TBC1D1: variants seen among roughly 807,000 people sequenced by gnomAD.
TBC1D1 encodes TBC1 (tre-2/USP6, BUB2, cdc16) domain family, member 1.
A neutral mutation model predicts 125.6 loss-of-function variants in TBC1D1; 89 were observed. The observed-to-expected ratio is 0.71, with a 90% confidence interval of 0.60 to 0.85. The LOEUF (loss-of-function observed/expected upper bound fraction) is 0.85, where lower values mean the gene tolerates loss of function less well. Among genes scored for constraint, TBC1D1 ranks in the 40% least tolerant of loss-of-function variants. The pLI, the probability that TBC1D1 is intolerant of heterozygous loss-of-function variation, is 0.00. For missense variants in TBC1D1, 1,377 were observed against 1,469.2 expected (o/e 0.94, Z 1.03); for synonymous variants, 565 against 564.1 (o/e 1.00, Z -0.02).
intron 2 of TBC1D1, among the ~76,000 whole-genome samples, chr4:37,935,773 C>G (rs929729886): frequency 1.3e-5 from 2 of 152,158 alleles, no homozygotes; most frequent in Non-Finnish European, 2.9e-5. Context: ...GTCTCCGTTT[C>G]CCCTCCAGTC....
intron 13 of TBC1D1, among the ~76,000 whole-genome samples, chr4:38,091,065 G>A (rs553451999): frequency 5.2e-4 from 79 of 152,178 alleles, no homozygotes; most frequent in Non-Finnish European, 8.4e-4. Flanking sequence ...GTGGATAGAC[G>A]TTCTCTGTGC....
chr4:38,069,199 A>G (rs1234504539), intron 12 of TBC1D1, among the ~76,000 whole-genome samples: 2 of 152,194 alleles, frequency 1.3e-5, no homozygotes, highest in Non-Finnish European at 2.9e-5. Context: ...ATGGACTGGA[A>G]TCTTGATTGT....
chr4:38,083,325 A>C (rs561386205), intron 12 of TBC1D1, among the ~76,000 whole-genome samples: 2 of 152,230 alleles, frequency 1.3e-5, no homozygotes, highest in East Asian at 3.8e-4. Context: ...CTTGTCTTCT[A>C]TATTCAGGCG....
intron 10 of TBC1D1, among the ~76,000 whole-genome samples, chr4:38,048,643 G>A (rs766249978): frequency 6.7e-6 from 1 of 148,246 alleles, no homozygotes; most frequent in Admixed American, 6.8e-5. Context: ...TCCACTGTTA[G>A]ATGCATTCAT....
chr4:37,997,393 G>A (rs543868430), intron 2 of TBC1D1, among the ~76,000 whole-genome samples: 1 of 152,266 alleles, frequency 6.6e-6, no homozygotes, highest in Non-Finnish European at 1.5e-5. Context: ...GTGTTATGTC[G>A]TGAAGCATTT....
chr4:38,115,804 C>G lies in TBC1D1; in HGVS notation c.2652C>G (p.Asp884Glu). 6.2e-7 allele frequency: 1 copy of G among 1,614,156 alleles called. No homozygotes were observed. The highest frequency in any genetic ancestry group is 8.5e-7 in the Non-Finnish European group (1 of 1,180,022). The change falls in exon 16 of 20, where the codon GAC (aspartate) becomes GAG (glutamate). Residue 884 changes from aspartate (D) to glutamate (E), a missense_variant. This residue lies in a region of TBC1D1 where 543 missense variants were observed against 613.5 expected (regional missense o/e 0.89). Transcript: ENST00000261439. ...TTTTGAAGGCCTACTCACTTCTAGA[C>G]CAGGAAGTGGGATATTGCCAAGGTC...
chr4:38,076,046 G>A (rs753196649), intron 12 of TBC1D1, among the ~76,000 whole-genome samples: 1 of 152,146 alleles, frequency 6.6e-6, no homozygotes, highest in Non-Finnish European at 1.5e-5. Flanking sequence ...GATAAGTCCT[G>A]TATTAGTCCG....
intron 2 of TBC1D1, among the ~76,000 whole-genome samples, chr4:37,932,056 T>G (rs1021569230): frequency 1.2e-4 from 19 of 152,068 alleles, no homozygotes; most frequent in African/African-American, 4.4e-4. Context: ...TCATCTGTCA[T>G]TGTTTTTCCC....
At chr4:37,975,598 AGGC>A (rs1224697497) in intron 2 of TBC1D1, among the ~76,000 whole-genome samples, 4 of 152,226 alleles carry the variant, frequency 2.6e-5, no homozygotes, top group African/African-American at 9.6e-5. Context: ...ACTTGGCAAC[AGGC>A]GTCTTCCCAG....
At chr4:37,909,151 C>T (rs1717994851) in intron 2 of TBC1D1, among the ~76,000 whole-genome samples, 1 of 152,168 alleles carries the variant, frequency 6.6e-6, no homozygotes, top group African/African-American at 2.4e-5. Flanking sequence ...CCTGTAAGCA[C>T]ATCGCCTTTC....
At chr4:37,949,235 A>G (rs1447709023) in intron 2 of TBC1D1, among the ~76,000 whole-genome samples, 2 of 152,216 alleles carry the variant, frequency 1.3e-5, no homozygotes, top group Non-Finnish European at 2.9e-5. Flanking sequence ...CTTTTTTGAC[A>G]TATTTTTCTG....
intron 2 of TBC1D1, among the ~76,000 whole-genome samples, chr4:38,009,049 T>C (rs1048627853): frequency 6.6e-6 from 1 of 152,250 alleles, no homozygotes; most frequent in Non-Finnish European, 1.5e-5. Context: ...TAGGCACTCA[T>C]ATTTTCTCAA....
chr4:38,033,227 G>A (rs976896633), intron 7 of TBC1D1, among the ~76,000 whole-genome samples: 26 of 152,134 alleles, frequency 1.7e-4, no homozygotes, highest in African/African-American at 4.6e-4. Flanking sequence ...TGATGATGAA[G>A]AATTTCTCCA....
At chr4:38,076,475 C>G (rs1755618128) in intron 12 of TBC1D1, among the ~76,000 whole-genome samples, 1 of 152,148 alleles carries the variant, frequency 6.6e-6, no homozygotes, top group Admixed American at 6.5e-5. Flanking sequence ...CCTCCCGCAC[C>G]CGTCTTCTGA....
intron 2 of TBC1D1, among the ~76,000 whole-genome samples, chr4:37,913,847 G>T (rs1719153264): frequency 6.6e-6 from 1 of 150,478 alleles, no homozygotes; most frequent in African/African-American, 2.5e-5. Context: ...CACTAAAATT[G>T]CTCTTATAAT....
chr4:37,960,568 G>A (rs139387268), intron 2 of TBC1D1: 24 of 1,614,014 alleles, frequency 1.5e-5, no homozygotes, highest in African/African-American at 8.0e-5. Flanking sequence ...TTAACACGAC[G>A]TTTTGGCAAA....
At chr4:37,911,521 G>A (rs966736275) in intron 2 of TBC1D1, among the ~76,000 whole-genome samples, 1 of 152,154 alleles carries the variant, frequency 6.6e-6, no homozygotes, top group African/African-American at 2.4e-5. Flanking sequence ...GGTTGCTGAT[G>A]TGCATCTGAA....
rs545096947 is a variant in TBC1D1 at position 37,987,644 on chromosome 4, CAGTT to C, written c.418-26862_418-26859del. Among the ~76,000 whole-genome samples the C allele has an allele frequency of 2.0e-3, 305 of 152,090 alleles. 1 individual carries two copies. Among genetic ancestry groups the C allele is most frequent in the African/African-American group, 5.9e-3 (243 of 41,450 alleles). On this transcript the variant is annotated intron_variant, in intron 2 of 19. Transcript: ENST00000261439. The stretch of plus-strand genomic sequence containing the variant: ...AAATCCCTGAATTTTGTGATGTTCT[CAGTT>C]AGGGAGAGAAGGAAACAGGAAATAA...
In TBC1D1 at chr4:38,137,412, G is replaced by C; in HGVS notation, c.*77G>C. On this transcript the variant is annotated 3_prime_UTR_variant, in exon 20 of 20. Transcript: ENST00000261439. ...TGAGAGGGACAGAAGACGCTGGAAG[G>C]AGAGAAGGAAGCGGGAAGTGTGCTT... 6.7e-6 allele frequency: 9 copies of C among 1,351,776 alleles called. No individual in the cohort carries two copies. Among genetic ancestry groups the C allele is most frequent in the Non-Finnish European group, 8.6e-6 (9 of 1,046,610 alleles). 83.7% of individuals were successfully genotyped at this position (1,351,776 alleles called of 1,614,324 possible). A position where few individuals can be genotyped will look rare whatever the true frequency, so the allele number is the denominator to read the frequency against.
Sources: allele counts gnomAD v4.1 joint callset (sites outside exome capture counted in the v4.1 genomes callset), GRCh38; gene constraint gnomAD v4.1.1; regional missense constraint gnomAD v4.1.1; transcripts MANE v1.5; gene names NCBI Gene and HGNC (gene_info 2026-07-23, HGNC 2026-07-21).